Variants in DDR2 observed in about 807,000 individuals in gnomAD.
The protein encoded by DDR2 is discoidin domain receptor tyrosine kinase 2.
Under a neutral mutation model 94.9 loss-of-function variants are expected in DDR2, and 27 were observed. The observed-to-expected ratio is 0.28, with a 90% CI of 0.21 to 0.39. The LOEUF is 0.39. Ranked by LOEUF, DDR2 falls within the 10% of genes least tolerant of loss-of-function variation. The pLI, the probability that DDR2 is intolerant of heterozygous loss-of-function variation, is 1.00. For synonymous variants in DDR2, 382 were observed against 377.2 expected, an observed-to-expected ratio of 1.01 and a Z score of -0.15; for missense variants, 783 against 1,076.0, an observed-to-expected ratio of 0.73 and a Z score of 3.81.
At chr1:162,723,627 T>C (rs534061046) in intron 3 of DDR2, among the ~76,000 whole-genome samples, 4 of 152,182 alleles carry the variant, frequency 2.6e-5, no homozygotes, top group Admixed American at 6.5e-5. Flanking sequence ...GATTGTTGTG[T>C]ATAAAAAACA....
chr1:162,675,038 A>C (rs910048224), intron 2 of DDR2, among the ~76,000 whole-genome samples: 5 of 152,098 alleles, frequency 3.3e-5, no homozygotes, highest in African/African-American at 1.2e-4. Context: ...GGCACCTGTA[A>C]TTTCAACTAC....
chr1:162,693,621 T>A (rs1403383526), intron 2 of DDR2, among the ~76,000 whole-genome samples: 2 of 151,888 alleles, frequency 1.3e-5, no homozygotes, highest in Non-Finnish European at 2.9e-5. Context: ...TACTCTGAAG[T>A]GGTATTAGGG....
intron 3 of DDR2, among the ~76,000 whole-genome samples, chr1:162,744,623 C>A (rs1180614266): frequency 1.3e-5 from 2 of 152,046 alleles, no homozygotes; most frequent in Non-Finnish European, 2.9e-5. Flanking sequence ...CCCATCAAAC[C>A]ATCATCTACA....
chr1:162,672,235 A>T (rs185228200), intron 2 of DDR2, among the ~76,000 whole-genome samples: 7 of 152,308 alleles, frequency 4.6e-5, no homozygotes, highest in African/African-American at 1.7e-4. Context: ...TCTATAAAAC[A>T]ATTGTGTCTG....
intron 2 of DDR2, among the ~76,000 whole-genome samples, chr1:162,670,601 A>T (rs1475887479): frequency 6.6e-6 from 1 of 152,238 alleles, no homozygotes; most frequent in Non-Finnish European, 1.5e-5. Flanking sequence ...AAGAGCCATG[A>T]CAACAATGAT....
rs953802175 is a variant in DDR2, at chr1:162,785,335, G to A, written c.*5089G>A. 7 of 152,188 alleles carry A rather than the reference G, an allele frequency of 4.6e-5. No homozygotes were observed. The highest frequency in any genetic ancestry group is 1.7e-4 in the African/African-American group (7 of 41,448). The allele number at this position is 152,188 out of a possible 1,614,324, so 9.4% of individuals were successfully genotyped here. A position where few individuals can be genotyped will look rare whatever the true frequency, so the allele number is the denominator to read the frequency against. On this transcript the variant is annotated 3_prime_UTR_variant, in exon 18 of 18. Transcript: ENST00000367921. ...GTTAATGGCACTGGAAATAGCTTGT[G>A]GAGAGAATAGAATACAATGGTATAG... is the stretch of plus-strand genomic sequence containing the variant.
chr1:162,666,237 A>G (rs1179685920), intron 2 of DDR2, among the ~76,000 whole-genome samples: 4 of 152,160 alleles, frequency 2.6e-5, no homozygotes, highest in Non-Finnish European at 4.4e-5. Context: ...TCTCTCTCGC[A>G]TTCTTTTTCC....
chr1:162,761,161 T>C, intron 8 of DDR2, 50 bp from the exon 9 acceptor site: 1 of 1,612,562 alleles, frequency 6.2e-7, no homozygotes, highest in Non-Finnish European at 8.5e-7. Context: ...TGTGTCTCCA[T>C]GCACCTTAGC....
rs2102132132 is a variant in DDR2, at chr1:162,754,609, C to T, written c.186-15C>T. The T allele has an allele frequency of 6.2e-7, 1 of 1,613,684 alleles. No individual in the cohort carries two copies. The highest frequency in any genetic ancestry group is 8.5e-7 in the Non-Finnish European group (1 of 1,179,606). ...TCATGGTTGCTCCCTCTCTCCCCAA[C>T]CCTCACCTCTCAAGGCTGGACTCAG... On this transcript the variant is annotated splice_polypyrimidine_tract_variant and intron_variant, in intron 4 of 17. Transcript: ENST00000367921.
At chr1:162,768,011 T>G (rs1664086718) in intron 11 of DDR2, among the ~76,000 whole-genome samples, 1 of 152,236 alleles carries the variant, frequency 6.6e-6, no homozygotes, top group Non-Finnish European at 1.5e-5. Context: ...AGCAGAATTT[T>G]TCCTCATGCA....
At chr1:162,677,256 C>T (rs933346649) in intron 2 of DDR2, among the ~76,000 whole-genome samples, 1 of 152,152 alleles carries the variant, frequency 6.6e-6, no homozygotes, top group Non-Finnish European at 1.5e-5. Context: ...ATGCTTCCTA[C>T]CCCAGGGGGC....
chr1:162,724,133 A>G (rs1661543977), intron 3 of DDR2, among the ~76,000 whole-genome samples: 1 of 152,206 alleles, frequency 6.6e-6, no homozygotes. Context: ...GAGTCAAAGC[A>G]GGTGAGTGAT....
At position 162,783,094 on chromosome 1, in the gene DDR2, A is replaced by G. The variant is rs193302258; in HGVS notation, c.*2848A>G. 5 of 152,350 alleles carry G rather than the reference A, an allele frequency of 3.3e-5. No individual in the cohort carries two copies. Among genetic ancestry groups the G allele is most frequent in the African/African-American group, 4.8e-5 (2 of 41,584 alleles). 9.4% of individuals were successfully genotyped at this position (152,350 alleles called of 1,614,324 possible). On this transcript the variant is annotated 3_prime_UTR_variant, in exon 18 of 18. Coordinates refer to ENST00000367921, the MANE Select transcript of DDR2 (RefSeq NM_006182.4). ...TATTTGGAAAAGGAGATAGAAAAAA[A>G]ATGATCAGAAACTGTGGGGCCTTAT...
chr1:162,695,985 G>A (rs1660167509), intron 2 of DDR2, among the ~76,000 whole-genome samples: 1 of 152,268 alleles, frequency 6.6e-6, no homozygotes, highest in Admixed American at 6.5e-5. Flanking sequence ...GGCTACTAAC[G>A]ACTAGGTCCT....
At chr1:162,778,819 A>G (rs1647734571) in intron 17 of DDR2, 90 bp downstream of exon 17, 2 of 1,540,570 alleles carry the variant, frequency 1.3e-6, no homozygotes, top group South Asian at 1.1e-5. Flanking sequence ...GTGGGCCGAG[A>G]TGGAAGACAG....
rs1558075176 is a variant in DDR2, at chr1:162,767,354, GAGA to G, written c.1291_1293del (p.Lys431del). The G allele has an allele frequency of 6.2e-7, 1 of 1,613,900 alleles. No individual in the cohort carries two copies. The highest frequency in any genetic ancestry group is 8.5e-7 in the Non-Finnish European group (1 of 1,179,996). On this transcript the variant is annotated inframe_deletion and splice_region_variant, in exon 11 of 18. Transcript: ENST00000367921. ...GAGGCAGTTCTGGCAGAAAATGCTG[GAGA>G]AGGTGAGGAGGTGCAGAATGGTCAT...
chr1:162,755,820 A>T (rs781428830), intron 7 of DDR2, 51 bp downstream of exon 7: 1 of 1,410,590 alleles, frequency 7.1e-7, no homozygotes, highest in Non-Finnish European at 1.0e-6. Flanking sequence ...CTAAGAAAGA[A>T]TAATATTTTA....
chr1:162,679,042 G>A (rs541133239), intron 2 of DDR2, among the ~76,000 whole-genome samples: 1 of 151,900 alleles, frequency 6.6e-6, no homozygotes, highest in Non-Finnish European at 1.5e-5. Context: ...ACACTCACTA[G>A]CTCTTTTTTT....
At chr1:162,760,394 C>CTA (rs970458195) in intron 8 of DDR2, among the ~76,000 whole-genome samples, 21 of 145,058 alleles carry the variant, frequency 1.4e-4, no homozygotes, top group East Asian at 4.0e-4. Flanking sequence ...ACACACACAA[C>CTA]TATATATATA....
Sources: allele counts gnomAD v4.1 joint callset (sites outside exome capture counted in the v4.1 genomes callset), GRCh38; gene constraint gnomAD v4.1.1; transcripts MANE v1.5; gene names NCBI Gene and HGNC (gene_info 2026-07-23, HGNC 2026-07-21).